The following SAMD5 variants were observed in gnomAD, a reference collection of about 807,000 sequenced individuals.
SAMD5 encodes sterile alpha motif domain containing 5, also known as sterile alpha motif domain-containing protein 5.
A neutral mutation model predicts 11.3 loss-of-function variants in SAMD5; 13 were observed. That is an observed-to-expected ratio of 1.15 (90% CI 0.75 to 1.83). The LOEUF is 1.83. SAMD5 is among the 40% of genes most tolerant of loss of function. SAMD5 has a pLI of 0.00. For missense variants in SAMD5, 255 were observed against 239.1 expected (o/e 1.07, Z -0.44); for synonymous variants, 129 against 111.3 (o/e 1.16, Z -1.00).
At chr6:147,789,250 C>T in the SAMD5 span, among the ~76,000 whole-genome samples, 1 of 150,740 alleles carries the variant, frequency 6.6e-6, no homozygotes, top group Non-Finnish European at 1.5e-5. Context: ...GCAGCCTGGA[C>T]GATGGCATAA....
chr6:147,713,222 A>C (rs1401237023), intron 1 of SAMD5, among the ~76,000 whole-genome samples: 1 of 152,210 alleles, frequency 6.6e-6, no homozygotes, highest in Non-Finnish European at 1.5e-5. Context: ...TTTGACATTT[A>C]AAAATTGTTC....
chr6:147,910,584 T>C, the SAMD5 span, among the ~76,000 whole-genome samples: 2 of 152,244 alleles, frequency 1.3e-5, no homozygotes, highest in Non-Finnish European at 2.9e-5. Context: ...TAAAGAGAAC[T>C]ATTATAAAGT....
the SAMD5 span, among the ~76,000 whole-genome samples, chr6:147,875,766 T>C: frequency 6.6e-6 from 1 of 152,084 alleles, no homozygotes; most frequent in South Asian, 2.1e-4. Flanking sequence ...AGGTTGCACG[T>C]TCCTTATGAG....
chr6:147,922,039 C>CA, the SAMD5 span, among the ~76,000 whole-genome samples: 2 of 152,300 alleles, frequency 1.3e-5, no homozygotes, highest in Non-Finnish European at 2.9e-5. Flanking sequence ...TTACAAGCAT[C>CA]ATAACAACTC....
intron 1 of SAMD5, among the ~76,000 whole-genome samples, chr6:147,641,584 T>G (rs998743248): frequency 6.6e-6 from 1 of 150,670 alleles, no homozygotes; most frequent in Non-Finnish European, 1.5e-5. Context: ...TTTTTTTTTT[T>G]GCTCAAAAGT....
intron 1 of SAMD5, among the ~76,000 whole-genome samples, chr6:147,511,676 A>T (rs969547891): frequency 6.6e-6 from 1 of 152,134 alleles, no homozygotes; most frequent in Non-Finnish European, 1.5e-5. Context: ...ACACACACTG[A>T]AATAGGAATT....
At chr6:147,768,972 T>G in the SAMD5 span, among the ~76,000 whole-genome samples, 1 of 152,114 alleles carries the variant, frequency 6.6e-6, no homozygotes, top group Admixed American at 6.6e-5. Context: ...TTTTATATTT[T>G]TAGTAGAGAT....
chr6:147,799,591 A>G, the SAMD5 span, among the ~76,000 whole-genome samples: 1 of 151,502 alleles, frequency 6.6e-6, no homozygotes, highest in South Asian at 2.1e-4. Context: ...CGTTCTCTGT[A>G]TTTCCTGAAT....
chr6:147,822,807 T>C, the SAMD5 span, among the ~76,000 whole-genome samples: 461 of 152,218 alleles, frequency 3.0e-3, 3 homozygotes, highest in African/African-American at 0.011. Context: ...ACTTAGAATA[T>C]TGTTTATTTT....
At chr6:147,849,585 CTG>C in the SAMD5 span, among the ~76,000 whole-genome samples, 3 of 152,018 alleles carry the variant, frequency 2.0e-5, no homozygotes, top group African/African-American at 7.2e-5. Flanking sequence ...TTTTTGTATC[CTG>C]ATTTAGCACT....
the SAMD5 span, among the ~76,000 whole-genome samples, chr6:147,940,074 T>C: frequency 6.6e-6 from 1 of 152,112 alleles, no homozygotes; most frequent in Non-Finnish European, 1.5e-5. Flanking sequence ...GGTTAGATAG[T>C]ATGACCCACT....
In SAMD5 at chr6:147,508,989, T is replaced by A. The variant is rs1788036502; in HGVS notation, c.61T>A (p.Ser21Thr). The change falls in exon 1 of 2, where the codon TCC becomes ACC. Residue 21 changes from serine (S) to threonine (T), a missense_variant. Transcript: ENST00000367474. ...GCTGCAGCTTCCGCAGTACGCGGAG[T>A]CCTTCGTGGATAACGGCTACGATGA... ...KALQLPQYAESFVDNGYDDLE... is the reference protein window; with the variant it reads ...KALQLPQYAETFVDNGYDDLE... 6.2e-7 allele frequency: 1 copy of A among 1,601,068 alleles called. No homozygotes were observed.
chr6:147,942,706 TAGAC>T, the SAMD5 span, among the ~76,000 whole-genome samples: 5 of 152,160 alleles, frequency 3.3e-5, no homozygotes, highest in Non-Finnish European at 5.9e-5. Context: ...AATCCGCAAT[TAGAC>T]AGAAGAATGA....
Position 147,565,937 on chromosome 6 carries a change from A to G in SAMD5, c.*1481A>G, listed in dbSNP as rs1583086371. 1 of 985,382 alleles carries G rather than the reference A, an allele frequency of 1.0e-6. No individual in the cohort carries two copies. Among genetic ancestry groups the G allele is most frequent in the Non-Finnish European group, 1.2e-6 (1 of 829,894 alleles). The allele number at this position is 985,382 out of a possible 1,614,324, so 61.0% of individuals were successfully genotyped here. On this transcript the variant is annotated 3_prime_UTR_variant, in exon 2 of 2. Coordinates refer to ENST00000367474, the MANE Select transcript of SAMD5 (RefSeq NM_001030060.3). ...CGGAATCTACTACTTAGAAGAATGT[A>G]CAAGATGTAAGTTCCCATCGGCACC...
At chr6:147,859,888 T>C in the SAMD5 span, among the ~76,000 whole-genome samples, 1 of 152,202 alleles carries the variant, frequency 6.6e-6, no homozygotes, top group Non-Finnish European at 1.5e-5. Context: ...TCTGTCCATA[T>C]TTAAATACAA....
the SAMD5 span, among the ~76,000 whole-genome samples, chr6:147,785,882 A>G: frequency 2.0e-5 from 3 of 152,170 alleles, no homozygotes; most frequent in Admixed American, 6.5e-5. Context: ...ATAAATTCCT[A>G]ATTTCTGAGT....
the SAMD5 span, among the ~76,000 whole-genome samples, chr6:147,877,945 A>AGATAGATTTTTCTTTTTGAGACAGAGTCT: frequency 1.5e-5 from 1 of 67,758 alleles, no homozygotes; most frequent in African/African-American, 8.0e-5. Context: ...ATAGATAGAT[A>AGATAGATTTTTCTTTTTGAGACAGAGTCT]GACTCTGTCA....
intron 1 of SAMD5, among the ~76,000 whole-genome samples, chr6:147,554,280 T>C (rs1273334852): frequency 6.6e-6 from 1 of 152,090 alleles, no homozygotes; most frequent in African/African-American, 2.4e-5. Flanking sequence ...ATGGGGAATT[T>C]TGAGAACTAG....
At chr6:147,772,047 C>T in the SAMD5 span, among the ~76,000 whole-genome samples, 4 of 152,052 alleles carry the variant, frequency 2.6e-5, no homozygotes, top group Admixed American at 1.3e-4. Flanking sequence ...CTCAAAAATC[C>T]ATCTTATTTC....
Sources: gnomAD v4.1 joint callset for allele counts (sites outside exome capture counted in the v4.1 genomes callset) on GRCh38, gnomAD v4.1.1 for gene constraint, MANE v1.5 for transcripts, NCBI Gene and HGNC (gene_info 2026-07-23, HGNC 2026-07-21) for gene names.